Variants in CSMD1 observed in about 807,000 individuals in gnomAD.
CSMD1 encodes CUB and Sushi multiple domains 1, also known as CUB and sushi domain-containing protein 1.
CSMD1 carries 213 observed loss-of-function variants against 417.5 expected under a neutral mutation model. That is an observed-to-expected ratio of 0.51 (90% CI 0.46 to 0.57). CSMD1 has a LOEUF of 0.57. Among genes scored for constraint, CSMD1 ranks in the 20% least tolerant of loss-of-function variants. The pLI is 0.00. For missense variants in CSMD1, 6,923 were observed against 4,529.7 expected (o/e 1.53, Z -15.17); for synonymous variants, 2,862 against 1,736.8 (o/e 1.65, Z -16.11).
intron 1 of CSMD1, among the ~76,000 whole-genome samples, chr8:4,707,101 G>A (rs985810977): frequency 6.6e-6 from 1 of 152,206 alleles, no homozygotes; most frequent in Non-Finnish European, 1.5e-5. Context: ...TGTGGAAAAT[G>A]AAGCAGATAC....
intron 51 of CSMD1, among the ~76,000 whole-genome samples, chr8:3,020,794 C>G (rs1481047531): frequency 6.6e-6 from 1 of 152,158 alleles, no homozygotes; most frequent in African/African-American, 2.4e-5. Context: ...CCATCACGAC[C>G]AGCACACTAT....
intron 12 of CSMD1, among the ~76,000 whole-genome samples, chr8:3,444,082 C>G (rs148935281): frequency 2.4e-4 from 37 of 152,236 alleles, no homozygotes; most frequent in African/African-American, 7.2e-4. Context: ...CACACACACA[C>G]GCACATACAC....
At chr8:4,405,995 G>C (rs184847905) in intron 3 of CSMD1, among the ~76,000 whole-genome samples, 9 of 152,254 alleles carry the variant, frequency 5.9e-5, no homozygotes, top group Non-Finnish European at 1.3e-4. Flanking sequence ...TGGCTGTGAC[G>C]AGTGAGAGGG....
At chr8:3,485,696 G>A (rs553289152) in intron 11 of CSMD1, among the ~76,000 whole-genome samples, 27 of 151,716 alleles carry the variant, frequency 1.8e-4, no homozygotes, top group Non-Finnish European at 7.4e-5. Flanking sequence ...AGAGGCAGCA[G>A]TTGCAGTGAG....
At chr8:4,926,672 C>T (rs56820044) in intron 1 of CSMD1, among the ~76,000 whole-genome samples, 1 of 152,074 alleles carries the variant, frequency 6.6e-6, no homozygotes, top group African/African-American at 2.4e-5. Flanking sequence ...CAGTATTCTT[C>T]TGGGCTTTTC....
chr8:3,909,079 C>G (rs982212049), intron 5 of CSMD1, among the ~76,000 whole-genome samples: 2 of 152,140 alleles, frequency 1.3e-5, no homozygotes, highest in African/African-American at 4.8e-5. Flanking sequence ...TTGGAGAATT[C>G]TAGTGAACAA....
chr8:4,637,682 G>C (rs1467683189), intron 1 of CSMD1, 124 bp from the exon 2 acceptor site: 1 of 383,238 alleles, frequency 2.6e-6, no homozygotes. Context: ...TTTTTTTTTT[G>C]AGACGGAGTC....
Position 3,289,893 on chromosome 8 carries a change from T to C in CSMD1, c.3951-5547A>G, listed in dbSNP as rs554017796. On this transcript the variant is annotated intron_variant, in intron 25 of 69. Transcript: ENST00000635120. ...TGCTTTTGGCATTTTAGACATGAAG[T>C]CCTTACCCATGCCTGTGTCCTGAAT... 4.7e-5 allele frequency among the ~76,000 whole-genome samples: 7 copies of C among 147,804 alleles called. No homozygotes were observed. The East Asian group carries it at 1.4e-3, about 29-fold the overall frequency.
intron 3 of CSMD1, among the ~76,000 whole-genome samples, chr8:4,383,762 A>G (rs542502921): frequency 1.3e-5 from 2 of 149,524 alleles, no homozygotes; most frequent in East Asian, 2.0e-4. Flanking sequence ...TTCCTTTTCT[A>G]TCAGCATCAC....
At chr8:3,611,260 A>G (rs866518760) in intron 8 of CSMD1, among the ~76,000 whole-genome samples, 1 of 152,086 alleles carries the variant, frequency 6.6e-6, no homozygotes, top group African/African-American at 2.4e-5. Flanking sequence ...TAAAAAAAAA[A>G]AGAAAGTCCT....
At chr8:3,178,988 C>T (rs778807167) in intron 37 of CSMD1, among the ~76,000 whole-genome samples, 8 of 150,060 alleles carry the variant, frequency 5.3e-5, no homozygotes, top group South Asian at 2.1e-4. Context: ...CACTCTGTCA[C>T]CCAGGCTGGA....
chr8:4,133,459 C>G (rs2130988463), intron 3 of CSMD1, among the ~76,000 whole-genome samples: 2 of 152,252 alleles, frequency 1.3e-5, no homozygotes, highest in Middle Eastern at 6.8e-3. Flanking sequence ...CCTTATTTTT[C>G]TTTCAGCCCC....
chr8:4,032,439 C>T (rs1563341391), intron 3 of CSMD1, among the ~76,000 whole-genome samples: 1 of 152,052 alleles, frequency 6.6e-6, no homozygotes, highest in Non-Finnish European at 1.5e-5. Context: ...AACCAGATGT[C>T]AGTGTCAGCA....
At chr8:4,062,478 A>G (rs1214085033) in intron 3 of CSMD1, among the ~76,000 whole-genome samples, 1 of 152,216 alleles carries the variant, frequency 6.6e-6, no homozygotes, top group Admixed American at 6.5e-5. Context: ...CAAATGCACT[A>G]CAAATAAATA....
chr8:3,787,038 G>T (rs1006681345), intron 5 of CSMD1, among the ~76,000 whole-genome samples: 1 of 152,154 alleles, frequency 6.6e-6, no homozygotes, highest in Admixed American at 6.5e-5. Flanking sequence ...TAACTTCTAT[G>T]TGTGAAGTGT....
chr8:4,554,060 A>C (rs1236119338), intron 2 of CSMD1, among the ~76,000 whole-genome samples: 1 of 152,222 alleles, frequency 6.6e-6, no homozygotes, highest in Non-Finnish European at 1.5e-5. Flanking sequence ...CTGTCTCGTC[A>C]GTACCAAACT....
intron 5 of CSMD1, among the ~76,000 whole-genome samples, chr8:3,988,566 T>G (rs550817726): frequency 1.3e-5 from 2 of 152,314 alleles, no homozygotes; most frequent in East Asian, 3.9e-4. Flanking sequence ...TAGATCACGG[T>G]CTGCATTTTG....
chr8:4,307,609 G>C (rs1226225783), intron 3 of CSMD1, among the ~76,000 whole-genome samples: 2 of 152,126 alleles, frequency 1.3e-5, no homozygotes, highest in South Asian at 2.1e-4. Flanking sequence ...CACCCAACTT[G>C]TGAAATAAGC....
At chr8:3,701,298 G>A (rs558328797) in intron 7 of CSMD1, among the ~76,000 whole-genome samples, 1 of 152,224 alleles carries the variant, frequency 6.6e-6, no homozygotes, top group South Asian at 2.1e-4. Context: ...TGAGTGAGCT[G>A]GTTTTCTTCT....
Sources: allele counts gnomAD v4.1 joint callset (sites outside exome capture counted in the v4.1 genomes callset), GRCh38; gene constraint gnomAD v4.1.1; transcripts MANE v1.5; gene names NCBI Gene and HGNC (gene_info 2026-07-23, HGNC 2026-07-21).